The following STAG2 variants were observed in gnomAD, a reference collection of about 807,000 sequenced individuals.
The protein encoded by STAG2 is cohesin subunit SA-2.
STAG2 carries 14 observed loss-of-function variants against 108.1 expected under a neutral mutation model. That is an observed-to-expected ratio of 0.13 (90% CI 0.09 to 0.20). The LOEUF (loss-of-function observed/expected upper bound fraction) is 0.20, where lower values mean the gene tolerates loss of function less well. Ranked by LOEUF, STAG2 falls within the 10% of genes least tolerant of loss-of-function variation. STAG2 has a pLI of 1.00. For synonymous variants in STAG2, 307 were observed against 302.7 expected (o/e 1.01, Z -0.15); for missense variants, 440 against 940.9 (o/e 0.47, Z 6.96).
At chrX:124,095,116 G>A (rs964426106) in intron 33 of STAG2, among the ~76,000 whole-genome samples, 15 of 111,383 alleles carry the variant, frequency 1.3e-4, no homozygotes, top group African/African-American at 4.9e-4. Flanking sequence ...TTTAGTAGAG[G>A]CCGGGTTTCA....
intron 1 of STAG2, among the ~76,000 whole-genome samples, chrX:123,998,115 G>A (rs1262480144): frequency 1.8e-5 from 2 of 109,712 alleles, no homozygotes; most frequent in Admixed American, 2.0e-4. Flanking sequence ...TGAATTCTTT[G>A]GGGTATATGC....
chrX:123,992,361 T>A (rs2055524948), intron 1 of STAG2, among the ~76,000 whole-genome samples: 1 of 111,397 alleles, frequency 9.0e-6, no homozygotes, highest in Non-Finnish European at 1.9e-5. Flanking sequence ...TCATCAGGCC[T>A]ACCACAGTGC....
At chrX:124,045,414 T>G (rs1178783066) in intron 8 of STAG2, 46 bp downstream of exon 8, 2 of 1,029,016 alleles carry the variant, frequency 1.9e-6, no homozygotes, top group Non-Finnish European at 2.6e-6. Context: ...AGATTTGAGA[T>G]GAAAAAGATT....
intron 14 of STAG2, among the ~76,000 whole-genome samples, chrX:124,056,514 A>T (rs927981192): frequency 9.2e-6 from 1 of 109,248 alleles, no homozygotes; most frequent in African/African-American, 3.3e-5. Context: ...CGGGTGGATC[A>T]CGAGGTCAGG....
chrX:124,074,195 C>T (rs2058744454), intron 25 of STAG2, among the ~76,000 whole-genome samples: 1 of 112,605 alleles, frequency 8.9e-6, no homozygotes, highest in South Asian at 3.6e-4. Flanking sequence ...ATTATAGGCA[C>T]ATGCCACTGC....
At chrX:124,095,813 A>T (rs2059361582) in intron 34 of STAG2, among the ~76,000 whole-genome samples, 1 of 110,512 alleles carries the variant, frequency 9.0e-6, no homozygotes, top group Non-Finnish European at 1.9e-5. Context: ...ATGGGACAGG[A>T]TGAATGAGGG....
chrX:123,978,005 G>T (rs192800420), intron 1 of STAG2, among the ~76,000 whole-genome samples: 1 of 108,032 alleles, frequency 9.3e-6, no homozygotes, highest in African/African-American at 3.4e-5. Context: ...ACCAAGCCCA[G>T]CTTATTTTCA....
At chrX:124,071,588 T>C (rs2058666617) in intron 25 of STAG2, among the ~76,000 whole-genome samples, 1 of 111,600 alleles carries the variant, frequency 9.0e-6, no homozygotes. Context: ...ATAAAACTGT[T>C]AAAAATTGAG....
chrX:124,050,107 C>T, intron 10 of STAG2, 79 bp from the exon 11 acceptor site: 1 of 1,053,219 alleles, frequency 9.5e-7, no homozygotes. Context: ...ATCTGAAGTA[C>T]TTGGCATCTC....
chrX:123,965,257 A>G (rs180854808), intron 1 of STAG2, among the ~76,000 whole-genome samples: 220 of 112,043 alleles, frequency 2.0e-3, no homozygotes, highest in African/African-American at 6.4e-3. Flanking sequence ...GATGGTAAGG[A>G]TTGTGGCATC....
At chrX:124,026,148 A>ATAC (rs2057093655) in intron 4 of STAG2, among the ~76,000 whole-genome samples, 1 of 105,019 alleles carries the variant, frequency 9.5e-6, no homozygotes, top group Non-Finnish European at 1.9e-5. Flanking sequence ...AATAATAATA[A>ATAC]TAATAATAAT....
intron 15 of STAG2, among the ~76,000 whole-genome samples, chrX:124,059,795 C>T (rs769493646): frequency 2.3e-4 from 26 of 110,647 alleles, no homozygotes; most frequent in Non-Finnish European, 4.5e-4. Flanking sequence ...CTAGTAGCTC[C>T]GACTACAACT....
chrX:124,087,953 C>G (rs2059147166), intron 30 of STAG2, among the ~76,000 whole-genome samples: 1 of 112,128 alleles, frequency 8.9e-6, no homozygotes, highest in African/African-American at 3.2e-5. Context: ...GTTATATAGT[C>G]CCAACATCAC....
chrX:124,048,171 G>A (rs1042837071), intron 9 of STAG2, among the ~76,000 whole-genome samples: 3 of 111,287 alleles, frequency 2.7e-5, no homozygotes, highest in African/African-American at 9.8e-5. Context: ...GGTTATCTAC[G>A]AATTATTGAC....
At chrX:124,008,487 A>G (rs1239538881) in intron 1 of STAG2, among the ~76,000 whole-genome samples, 1 of 110,944 alleles carries the variant, frequency 9.0e-6, no homozygotes, top group Admixed American at 9.6e-5. Flanking sequence ...TGCTGGGATT[A>G]CAGGCGTGAG....
intron 7 of STAG2, among the ~76,000 whole-genome samples, chrX:124,044,962 C>T (rs2057833455): frequency 9.0e-6 from 1 of 111,365 alleles, no homozygotes; most frequent in Non-Finnish European, 1.9e-5. Flanking sequence ...GAATATCTAT[C>T]TTGATCTTAA....
intron 6 of STAG2, among the ~76,000 whole-genome samples, chrX:124,037,988 G>T (rs369456709): frequency 8.9e-6 from 1 of 111,810 alleles, no homozygotes; most frequent in African/African-American, 3.2e-5. Flanking sequence ...ACAGTGTAGG[G>T]AGTTAAAAAG....
chrX:124,090,465 G>A, intron 30 of STAG2, 110 bp from the exon 31 acceptor site: 1 of 657,694 alleles, frequency 1.5e-6, no homozygotes, highest in Non-Finnish European at 2.4e-6. Flanking sequence ...CCCCGTTCCT[G>A]TGACTTGCAT....
intron 11 of STAG2, 78 bp downstream of exon 11, chrX:124,050,387 C>T: frequency 9.7e-7 from 1 of 1,029,309 alleles, no homozygotes; most frequent in South Asian, 2.9e-5. Flanking sequence ...AGTTATCTCC[C>T]AGTATGTATA....
Sources: allele counts gnomAD v4.1 joint callset (sites outside exome capture counted in the v4.1 genomes callset), GRCh38; gene constraint gnomAD v4.1.1; transcripts MANE v1.5; gene names NCBI Gene and HGNC (gene_info 2026-07-23, HGNC 2026-07-21).